Variants in PARN observed in about 807,000 individuals in gnomAD.
PARN encodes the protein poly(A)-specific ribonuclease.
Under a neutral mutation model 102.8 loss-of-function variants are expected in PARN, and 71 were observed. The ratio of observed to expected loss-of-function variants is 0.69; its 90% CI spans 0.57 to 0.84. The LOEUF (loss-of-function observed/expected upper bound fraction) is 0.84. Among genes scored for constraint, PARN ranks in the 40% least tolerant of loss-of-function variants. The pLI is 0.00. For missense variants in PARN, 782 were observed against 760.9 expected (o/e 1.03, Z -0.33); for synonymous variants, 261 against 252.9 (o/e 1.03, Z -0.30).
At chr16:14,515,492 A>G (rs1457491287) in intron 21 of PARN, among the ~76,000 whole-genome samples, 1 of 152,240 alleles carries the variant, frequency 6.6e-6, no homozygotes, top group Non-Finnish European at 1.5e-5. Flanking sequence ...GTAAGTGAAG[A>G]GGACTGCATT....
chr16:14,558,496 C>CA (rs397971378), intron 18 of PARN: 4,254 of 135,864 alleles, frequency 0.031, 184 homozygotes, highest in African/African-American at 0.11. Context: ...GACTCTGTCT[C>CA]AAAAAAAAAA....
chr16:14,520,001 T>A (rs577246567), intron 21 of PARN, among the ~76,000 whole-genome samples: 4 of 151,816 alleles, frequency 2.6e-5, no homozygotes, highest in African/African-American at 7.2e-5. Context: ...GAAGAACACA[T>A]CACCACCTGT....
At chr16:14,524,602 C>G (rs899139608) in intron 21 of PARN, among the ~76,000 whole-genome samples, 1 of 152,164 alleles carries the variant, frequency 6.6e-6, no homozygotes, top group East Asian at 1.9e-4. Flanking sequence ...TTAAAGGAAA[C>G]TCTTTACATT....
At chr16:14,440,632 T>C (rs1262388593) in intron 23 of PARN, among the ~76,000 whole-genome samples, 3 of 152,214 alleles carry the variant, frequency 2.0e-5, no homozygotes, top group African/African-American at 7.2e-5. Context: ...GATGGATAAA[T>C]AGTGATACCT....
chr16:14,512,637 A>G (rs1452350091), intron 21 of PARN, among the ~76,000 whole-genome samples: 2 of 152,150 alleles, frequency 1.3e-5, no homozygotes, highest in Admixed American at 1.3e-4. Context: ...GCTTCGTTTT[A>G]CTCAGGAGGA....
chr16:14,476,854 T>TA (rs1305170145), intron 22 of PARN, among the ~76,000 whole-genome samples: 3 of 151,778 alleles, frequency 2.0e-5, no homozygotes, highest in African/African-American at 7.3e-5. Context: ...AAAAAGTCAA[T>TA]AGAGAAGATA....
At chr16:14,538,618 A>G (rs1230763005) in intron 21 of PARN, among the ~76,000 whole-genome samples, 2 of 152,206 alleles carry the variant, frequency 1.3e-5, no homozygotes, top group Non-Finnish European at 2.9e-5. Context: ...CATTGCAATT[A>G]AATTAGAGAG....
At chr16:14,533,125 T>C (rs1966441255) in intron 21 of PARN, among the ~76,000 whole-genome samples, 1 of 152,050 alleles carries the variant, frequency 6.6e-6, no homozygotes, top group Admixed American at 6.5e-5. Flanking sequence ...CATTGAGCAC[T>C]GAGTGAACCA....
chr16:14,584,179 C>T (rs146667064), intron 16 of PARN, among the ~76,000 whole-genome samples, 168 bp downstream of exon 16: 1 of 152,276 alleles, frequency 6.6e-6, no homozygotes, highest in Admixed American at 6.5e-5. Flanking sequence ...AATTAAAAGA[C>T]CATCTTTATT....
intron 22 of PARN, among the ~76,000 whole-genome samples, chr16:14,463,902 A>T (rs1353225945): frequency 6.7e-6 from 1 of 149,270 alleles, no homozygotes; most frequent in Non-Finnish European, 1.5e-5. Context: ...ACACAATCAC[A>T]GCTCACTGCA....
chr16:14,560,380 C>T lies in PARN; in HGVS notation c.1263-4671G>A, dbSNP rs530808670. Among the ~76,000 whole-genome samples the T allele has an allele frequency of 2.0e-5, 3 of 152,312 alleles. No individual in the cohort carries two copies. The East Asian group carries it at 5.8e-4, about 29-fold the overall frequency. On this transcript the variant is annotated intron_variant, in intron 18 of 23. Transcript: ENST00000437198. Reference sequence around the variant, plus strand: ...AACACGGTAAAGACCCTCAAGACTGCGTGCGGGTATCTTGCCACATTTCTG... The same window carrying T: ...AACACGGTAAAGACCCTCAAGACTGTGTGCGGGTATCTTGCCACATTTCTG...
chr16:14,579,112 G>A lies in PARN; in HGVS notation c.1262+1762C>T, dbSNP rs533388728. Among the ~76,000 whole-genome samples, 41 of 151,926 alleles carry A rather than the reference G, an allele frequency of 2.7e-4. No homozygotes were observed. The East Asian group carries it at 6.6e-3, about 24-fold the overall frequency. ...AGCGATTCTCCTGCCTTAGCCTCCCGAGTAGCTGGGAATACAGGCTAATTT... is the reference window on the plus strand; with the variant it reads ...AGCGATTCTCCTGCCTTAGCCTCCCAAGTAGCTGGGAATACAGGCTAATTT... On this transcript the variant is annotated intron_variant, in intron 18 of 23. Transcript: ENST00000437198.
At chr16:14,587,638 A>G (rs1441772999) in intron 13 of PARN, among the ~76,000 whole-genome samples, 1 of 152,192 alleles carries the variant, frequency 6.6e-6, no homozygotes, top group African/African-American at 2.4e-5. Context: ...CCAGCCTTCT[A>G]ATTTATTAGG....
intron 21 of PARN, among the ~76,000 whole-genome samples, chr16:14,521,690 C>G (rs1037598768): frequency 5.9e-5 from 9 of 151,552 alleles, no homozygotes; most frequent in Admixed American, 4.6e-4. Flanking sequence ...CCCAGCTACA[C>G]GGGAGGGAGG....
At chr16:14,445,838 A>G (rs1961176414) in intron 23 of PARN, among the ~76,000 whole-genome samples, 1 of 152,226 alleles carries the variant, frequency 6.6e-6, no homozygotes, top group African/African-American at 2.4e-5. Flanking sequence ...TGCTCGGATT[A>G]CAGGCGTGAG....
At chr16:14,440,360 T>C (rs538694851) in intron 23 of PARN, among the ~76,000 whole-genome samples, 6 of 152,236 alleles carry the variant, frequency 3.9e-5, no homozygotes, top group Non-Finnish European at 4.4e-5. Flanking sequence ...TATCAAGTAC[T>C]GGTGAGGGCG....
At chr16:14,584,570 A>G in intron 15 of PARN, 148 bp from the exon 16 acceptor site, 3 of 791,042 alleles carry the variant, frequency 3.8e-6, no homozygotes, top group Non-Finnish European at 6.1e-6. Context: ...CGTTTTTTTC[A>G]ATGTGAAAGA....
intron 18 of PARN, among the ~76,000 whole-genome samples, chr16:14,572,516 CT>C (rs1269877640): frequency 2.0e-5 from 3 of 152,186 alleles, no homozygotes; most frequent in South Asian, 2.1e-4. Flanking sequence ...CACTGGTGTG[CT>C]TTTATTTCAG....
intron 9 of PARN, among the ~76,000 whole-genome samples, chr16:14,607,197 TTTTTA>T (rs778588587): frequency 6.6e-6 from 1 of 152,134 alleles, no homozygotes; most frequent in Non-Finnish European, 1.5e-5. Context: ...TGTGAAAGTC[TTTTTA>T]TTTTATTTAT....
Sources: allele counts gnomAD v4.1 joint callset (sites outside exome capture counted in the v4.1 genomes callset), GRCh38; gene constraint gnomAD v4.1.1; transcripts MANE v1.5; gene names NCBI Gene and HGNC (gene_info 2026-07-23, HGNC 2026-07-21).